The following FUT8 variants were observed in gnomAD, a reference collection of about 807,000 sequenced individuals.
The protein encoded by FUT8 is alpha-(1,6)-fucosyltransferase.
FUT8 carries 29 observed loss-of-function variants against 71.3 expected under a neutral mutation model. The ratio of observed to expected loss-of-function variants is 0.41; its 90% CI spans 0.30 to 0.55. The LOEUF (loss-of-function observed/expected upper bound fraction) is 0.55, where lower values mean the gene tolerates loss of function less well. FUT8 is among the 20% of genes least tolerant of loss of function. The probability of loss-of-function intolerance (pLI) is 0.34; values close to 1 mark genes in which losing one functional copy is unlikely to be tolerated. For missense variants in FUT8, 544 were observed against 702.1 expected, an observed-to-expected ratio of 0.77 and a Z score of 2.55; for synonymous variants, 254 against 239.3, an observed-to-expected ratio of 1.06 and a Z score of -0.57.
At chr14:65,739,065 C>T (rs528633759) in intron 10 of FUT8, among the ~76,000 whole-genome samples, 1 of 152,076 alleles carries the variant, frequency 6.6e-6, no homozygotes, top group South Asian at 2.1e-4. Flanking sequence ...TTGAAATTTA[C>T]TTAATCTTTC....
the FUT8 span, among the ~76,000 whole-genome samples, chr14:65,368,000 A>C: frequency 6.6e-6 from 1 of 151,096 alleles, no homozygotes; most frequent in Non-Finnish European, 1.5e-5. Flanking sequence ...ATAATTTAAA[A>C]TTTTCTAGTA....
At chr14:65,728,818 G>A (rs1043545682) in intron 9 of FUT8, among the ~76,000 whole-genome samples, 2 of 152,152 alleles carry the variant, frequency 1.3e-5, no homozygotes, top group African/African-American at 4.8e-5. Flanking sequence ...TAGCCTAGGT[G>A]TGGTATAGTT....
At chr14:65,365,824 A>T in the FUT8 span, among the ~76,000 whole-genome samples, 2 of 151,844 alleles carry the variant, frequency 1.3e-5, no homozygotes, top group African/African-American at 4.8e-5. Flanking sequence ...TAGCATTCTT[A>T]TATTCCTTTA....
chr14:65,648,781 G>T (rs905233907), intron 6 of FUT8, among the ~76,000 whole-genome samples: 1 of 152,102 alleles, frequency 6.6e-6, no homozygotes, highest in Admixed American at 6.6e-5. Context: ...GGGAATGAGG[G>T]TAACACTTTT....
intron 1 of FUT8, chr14:65,430,087 A>G (rs1240235335): frequency 6.7e-6 from 1 of 150,232 alleles, no homozygotes; most frequent in East Asian, 1.9e-4. Flanking sequence ...TAGTGCTTTC[A>G]TGGCTTACTG....
At position 65,459,847 on chromosome 14, in the gene FUT8, T is replaced by TA. The variant is rs531313459; in HGVS notation, c.-228+4137dup. Among the ~76,000 whole-genome samples, 257 of 151,620 alleles carry TA rather than the reference T, an allele frequency of 1.7e-3. 1 individual carries two copies. The highest frequency in any genetic ancestry group is 4.2e-3 in the African/African-American group (172 of 41,388). ...ACTGTGAGAAACAGTCAAAAAATAA[T>TA]AAAAAAAATAGCATTTTATTTTAAA... On this transcript the variant is annotated intron_variant, in intron 2 of 10. Transcript: ENST00000673929.
chr14:65,482,986 A>T (rs2066354907), intron 2 of FUT8, among the ~76,000 whole-genome samples: 1 of 152,188 alleles, frequency 6.6e-6, no homozygotes, highest in Admixed American at 6.5e-5. Context: ...AGGCTTCTGC[A>T]GTGCTCAGAG....
At chr14:65,701,188 A>G (rs147834724) in intron 7 of FUT8, among the ~76,000 whole-genome samples, 3 of 152,338 alleles carry the variant, frequency 2.0e-5, no homozygotes, top group African/African-American at 7.2e-5. Flanking sequence ...ATTTTGGATC[A>G]TATCATCAAG....
rs1890916500 is a variant in FUT8 at position 65,643,099 on chromosome 14, T to C, written c.597+13493T>C. Among the ~76,000 whole-genome samples the C allele has an allele frequency of 6.6e-6, 1 of 152,156 alleles. No individual in the cohort carries two copies. The highest frequency in any genetic ancestry group is 1.5e-5 in the Non-Finnish European group (1 of 68,036). On this transcript the variant is annotated intron_variant, in intron 6 of 10. Transcript: ENST00000673929. This position sits in a 1 kb window ranked among gnomAD's most constrained non-coding sequence, Gnocchi z 4.5. ...TTTAAAACTAAAATCCTTACCAAAG[T>C]CCAAATTTCAGCTTTTAGGTTTTCT...
chr14:65,691,930 ATCAAC>A (rs1893624909), intron 7 of FUT8, among the ~76,000 whole-genome samples: 1 of 152,220 alleles, frequency 6.6e-6, no homozygotes, highest in African/African-American at 2.4e-5. Context: ...AAGGTCATAG[ATCAAC>A]AGGATCCCAA....
intron 7 of FUT8, among the ~76,000 whole-genome samples, chr14:65,689,681 GCC>G (rs1202686752): frequency 6.6e-6 from 1 of 152,162 alleles, no homozygotes. Flanking sequence ...TGGGACTACA[GCC>G]ACATGCCACC....
intron 6 of FUT8, among the ~76,000 whole-genome samples, chr14:65,667,732 A>T (rs1046764704): frequency 6.6e-6 from 1 of 152,138 alleles, no homozygotes; most frequent in Non-Finnish European, 1.5e-5. Flanking sequence ...CCTAAGCAAA[A>T]AGAACAAAGC....
chr14:65,569,744 T>C (rs1452541726), intron 3 of FUT8, among the ~76,000 whole-genome samples: 3 of 151,986 alleles, frequency 2.0e-5, no homozygotes, highest in Non-Finnish European at 4.4e-5. Context: ...TCTGCCTCTT[T>C]GCATGTCTAG....
chr14:65,692,918 G>A (rs1288343199), intron 7 of FUT8, among the ~76,000 whole-genome samples: 1 of 152,070 alleles, frequency 6.6e-6, no homozygotes, highest in Non-Finnish European at 1.5e-5. Flanking sequence ...GGGCGGCCGG[G>A]CAGAGACGCT....
the FUT8 span, among the ~76,000 whole-genome samples, chr14:65,401,762 G>A: frequency 6.6e-6 from 1 of 151,964 alleles, no homozygotes; most frequent in African/African-American, 2.4e-5. Flanking sequence ...TTGTGGTGGT[G>A]TACACCTGTA....
intron 6 of FUT8, among the ~76,000 whole-genome samples, chr14:65,633,083 G>C (rs2140274128): frequency 6.7e-6 from 1 of 148,168 alleles, no homozygotes; most frequent in Non-Finnish European, 1.5e-5. Context: ...AAGCTGGACT[G>C]TACTGCTGCC....
At chr14:65,694,731 A>G (rs908648051) in intron 7 of FUT8, among the ~76,000 whole-genome samples, 1 of 152,172 alleles carries the variant, frequency 6.6e-6, no homozygotes, top group African/African-American at 2.4e-5. Flanking sequence ...TGATGAGTTC[A>G]TGTCCTTTGT....
chr14:65,521,695 T>TA (rs1448872805), intron 2 of FUT8, among the ~76,000 whole-genome samples: 1 of 152,202 alleles, frequency 6.6e-6, no homozygotes, highest in Admixed American at 6.5e-5. Context: ...TCTTATATGT[T>TA]AAAAAAATAC....
chr14:65,561,939 C>T (rs1388963064), intron 3 of FUT8, among the ~76,000 whole-genome samples, 173 bp downstream of exon 3: 1 of 152,080 alleles, frequency 6.6e-6, no homozygotes, highest in Non-Finnish European at 1.5e-5. Flanking sequence ...CAAGCTTGTC[C>T]AACCCACAGC....
Sources: allele counts gnomAD v4.1 joint callset (sites outside exome capture counted in the v4.1 genomes callset), GRCh38; gene constraint gnomAD v4.1.1; non-coding constraint Gnocchi (gnomAD v3.1); transcripts MANE v1.5; gene names NCBI Gene and HGNC (gene_info 2026-07-23, HGNC 2026-07-21).